NYAP2: variants seen among roughly 807,000 people sequenced by gnomAD.
NYAP2 encodes neuronal tyrosine-phosphorylated phosphoinositide-3-kinase adaptor 2.
Under a neutral mutation model 50.4 loss-of-function variants are expected in NYAP2, and 23 were observed. The ratio of observed to expected loss-of-function variants is 0.46; its 90% CI spans 0.33 to 0.65. The LOEUF (loss-of-function observed/expected upper bound fraction) is 0.65. NYAP2 is among the 30% of genes least tolerant of loss of function. NYAP2 has a pLI of 0.02. For synonymous variants in NYAP2, 394 were observed against 365.2 expected (o/e 1.08, Z -0.90); for missense variants, 885 against 861.0 (o/e 1.03, Z -0.35).
chr2:225,659,910 T>C, the NYAP2 span, among the ~76,000 whole-genome samples: 6 of 152,208 alleles, frequency 3.9e-5, no homozygotes, highest in African/African-American at 1.4e-4. Flanking sequence ...GAAAAGTAGT[T>C]CAGTCAGTGT....
chr2:225,597,295 C>T (rs1020298201), intron 5 of NYAP2, among the ~76,000 whole-genome samples: 20 of 151,046 alleles, frequency 1.3e-4, no homozygotes, highest in African/African-American at 4.6e-4. Context: ...CACTCACCCC[C>T]CTCCCACCCT....
At chr2:225,683,727 G>A in the NYAP2 span, among the ~76,000 whole-genome samples, 2 of 152,078 alleles carry the variant, frequency 1.3e-5, no homozygotes, top group Admixed American at 1.3e-4. Flanking sequence ...TGAGAAGCAG[G>A]AGAGAAGCCA....
At chr2:225,505,204 G>A (rs1008847016) in intron 3 of NYAP2, among the ~76,000 whole-genome samples, 4 of 151,838 alleles carry the variant, frequency 2.6e-5, no homozygotes, top group African/African-American at 9.7e-5. Flanking sequence ...CTTCATATCC[G>A]AGAAGTATCA....
chr2:225,639,307 T>C (rs1220292327), intron 6 of NYAP2, among the ~76,000 whole-genome samples: 1 of 152,204 alleles, frequency 6.6e-6, no homozygotes, highest in Admixed American at 6.5e-5. Flanking sequence ...TAACCTGAGT[T>C]GTGGAATTTA....
chr2:225,654,246 TCAAA>T (rs1205429057), downstream of NYAP2, among the ~76,000 whole-genome samples: 1 of 152,030 alleles, frequency 6.6e-6, no homozygotes, highest in African/African-American at 2.4e-5. Flanking sequence ...CCTAGCACTA[TCAAA>T]CAAACAATCC....
At chr2:225,398,141 G>C (rs978135486), upstream of NYAP2, among the ~76,000 whole-genome samples, 1 of 151,820 alleles carries the variant, frequency 6.6e-6, no homozygotes, top group African/African-American at 2.4e-5. Flanking sequence ...ACTTTGTTTG[G>C]ATTATTTTGG....
At chr2:225,588,252 G>C (rs1433140867) in intron 5 of NYAP2, among the ~76,000 whole-genome samples, 1 of 151,832 alleles carries the variant, frequency 6.6e-6, no homozygotes, top group African/African-American at 2.4e-5. Flanking sequence ...AGATGTCATA[G>C]TATATTTTTA....
At chr2:225,651,411 T>A in intron 6 of NYAP2, 21 bp from the exon 7 acceptor site, 1 of 1,613,966 alleles carries the variant, frequency 6.2e-7, no homozygotes, top group South Asian at 1.1e-5. Flanking sequence ...TAATATTGTG[T>A]CTTTTTCCGC....
intron 4 of NYAP2, among the ~76,000 whole-genome samples, chr2:225,538,452 A>G (rs896812179): frequency 2.2e-4 from 34 of 152,196 alleles, no homozygotes; most frequent in African/African-American, 8.2e-4. Flanking sequence ...CCAAGGTTTG[A>G]GGCTTGAACC....
intron 3 of NYAP2, among the ~76,000 whole-genome samples, chr2:225,476,703 C>T (rs1286973037): frequency 6.6e-6 from 1 of 152,034 alleles, no homozygotes; most frequent in Non-Finnish European, 1.5e-5. Context: ...TGATGAATTT[C>T]AAGCACACAC....
chr2:225,557,547 A>T (rs1039295320), intron 4 of NYAP2, among the ~76,000 whole-genome samples: 1 of 152,186 alleles, frequency 6.6e-6, no homozygotes, highest in Admixed American at 6.6e-5. Context: ...ATATTACTAT[A>T]TTATGAATAA....
intron 4 of NYAP2, among the ~76,000 whole-genome samples, chr2:225,516,592 T>C (rs987751924): frequency 1.3e-5 from 2 of 152,076 alleles, no homozygotes; most frequent in African/African-American, 4.8e-5. Context: ...AAAGCAGATA[T>C]ATGCAAATCT....
chr2:225,418,305 T>C (rs1695157926), intron 3 of NYAP2, among the ~76,000 whole-genome samples: 1 of 151,926 alleles, frequency 6.6e-6, no homozygotes, highest in Non-Finnish European at 1.5e-5. Context: ...CCAGAGGCAA[T>C]GGAGTCCAAT....
At chr2:225,680,287 T>C in the NYAP2 span, among the ~76,000 whole-genome samples, 379 of 152,266 alleles carry the variant, frequency 2.5e-3, 2 homozygotes, top group Non-Finnish European at 4.6e-3. Context: ...TTTAGAAGTA[T>C]AGGAAAAGCT....
intron 4 of NYAP2, among the ~76,000 whole-genome samples, chr2:225,569,016 G>A (rs1474290472): frequency 1.3e-5 from 2 of 152,134 alleles, no homozygotes; most frequent in African/African-American, 4.8e-5. Context: ...AACCTGATGG[G>A]GTACAGATGT....
At chr2:225,459,292 G>A (rs576052863) in intron 3 of NYAP2, among the ~76,000 whole-genome samples, 5 of 152,312 alleles carry the variant, frequency 3.3e-5, no homozygotes, top group African/African-American at 1.2e-4. Context: ...ACAATGCAGT[G>A]TTGACATTGG....
chr2:225,606,676 G>C (rs1359952667), intron 5 of NYAP2, among the ~76,000 whole-genome samples: 1 of 152,060 alleles, frequency 6.6e-6, no homozygotes, highest in Non-Finnish European at 1.5e-5. Context: ...TTTTCCTATA[G>C]AAGGAAAAGT....
At chr2:225,529,398 A>C (rs1691211843) in intron 4 of NYAP2, among the ~76,000 whole-genome samples, 1 of 151,956 alleles carries the variant, frequency 6.6e-6, no homozygotes, top group East Asian at 1.9e-4. Context: ...ATCTCTGCTC[A>C]TCACTGCAGC....
chr2:225,429,181 G>A (rs535677135), intron 3 of NYAP2, among the ~76,000 whole-genome samples: 24 of 152,258 alleles, frequency 1.6e-4, no homozygotes, highest in Non-Finnish European at 2.9e-4. Context: ...TTGGCTGGGG[G>A]TGTCGAGGGG....
Sources: gnomAD v4.1 joint callset for allele counts (sites outside exome capture counted in the v4.1 genomes callset) on GRCh38, gnomAD v4.1.1 for gene constraint, MANE v1.5 for transcripts, NCBI Gene and HGNC (gene_info 2026-07-23, HGNC 2026-07-21) for gene names.